The following GFRA1 variants were observed in gnomAD, a reference collection of about 807,000 sequenced individuals.
GFRA1 encodes the protein GDNF family receptor alpha-1.
Under a neutral mutation model 51.6 loss-of-function variants are expected in GFRA1, and 16 were observed. The observed-to-expected ratio is 0.31, with a 90% confidence interval of 0.21 to 0.47. GFRA1 has a LOEUF of 0.47. Among genes scored for constraint, GFRA1 ranks in the 20% least tolerant of loss-of-function variants. The probability of loss-of-function intolerance (pLI) is 1.00; values close to 1 mark genes in which losing one functional copy is unlikely to be tolerated. For missense variants in GFRA1, 530 were observed against 594.3 expected, an observed-to-expected ratio of 0.89 and a Z score of 1.13; for synonymous variants, 270 against 241.3, an observed-to-expected ratio of 1.12 and a Z score of -1.10.
Position 116,269,576 on chromosome 10 carries a change from C to T in GFRA1, c.345G>A (p.Leu115=), listed in dbSNP as rs1245009620. 1 of 1,595,978 alleles carries T rather than the reference C, an allele frequency of 6.3e-7. No individual in the cohort carries two copies. The highest frequency in any genetic ancestry group is 8.6e-7 in the Non-Finnish European group (1 of 1,163,562). ...SMYQSLQGND[L]LEDSPYEPVN... is the part of the protein sequence containing the mutation. Reference sequence around the variant, plus strand: ...CTGGTTCATATGGGGAATCCTCCAGCAGATCATTTCCTAAAAACAACAGAA... The same window carrying T: ...CTGGTTCATATGGGGAATCCTCCAGTAGATCATTTCCTAAAAACAACAGAA... The change falls in exon 4 of 11, where the codon CTG becomes CTA. Residue 115 remains leucine, a synonymous_variant. Transcript: ENST00000355422.
chr10:116,211,711 A>G (rs1294704152), intron 4 of GFRA1, 66 bp from the exon 5 acceptor site: 1 of 1,284,326 alleles, frequency 7.8e-7, no homozygotes, highest in Non-Finnish European at 1.1e-6. Flanking sequence ...AATATTAATA[A>G]TAATGTTGAA....
chr10:116,131,904 G>GAAA (rs71010066), intron 5 of GFRA1, among the ~76,000 whole-genome samples: 12 of 100,168 alleles, frequency 1.2e-4, no homozygotes, highest in African/African-American at 3.8e-4. Context: ...ATCTCAAAAG[G>GAAA]AAAAAAAAAA....
At chr10:116,212,475 G>A (rs1398290408) in intron 4 of GFRA1, among the ~76,000 whole-genome samples, 1 of 150,948 alleles carries the variant, frequency 6.6e-6, no homozygotes, top group Non-Finnish European at 1.5e-5. Flanking sequence ...AGCCGAGATC[G>A]CTCCATTGCA....
intron 5 of GFRA1, among the ~76,000 whole-genome samples, chr10:116,187,615 C>G (rs1464676088): frequency 1.3e-5 from 2 of 152,170 alleles, no homozygotes; most frequent in African/African-American, 4.8e-5. Context: ...CAAGGGTTGA[C>G]TTTTCTATGC....
intron 5 of GFRA1, among the ~76,000 whole-genome samples, chr10:116,161,199 A>C (rs901141848): frequency 6.6e-6 from 1 of 152,304 alleles, no homozygotes; most frequent in East Asian, 1.9e-4. Flanking sequence ...ACAGTCTGGG[A>C]AACAGATGCT....
intron 4 of GFRA1, among the ~76,000 whole-genome samples, chr10:116,239,742 G>A (rs1967197786): frequency 6.6e-6 from 1 of 152,096 alleles, no homozygotes; most frequent in Admixed American, 6.6e-5. Context: ...TCAACAAAAG[G>A]AGGCTGCTGA....
chr10:116,211,609 A>T, intron 5 of GFRA1, 22 bp downstream of exon 5: 1 of 1,547,648 alleles, frequency 6.5e-7, no homozygotes, highest in South Asian at 1.2e-5. Flanking sequence ...GTGAAAAAGC[A>T]GGCAGGAAAC....
intron 4 of GFRA1, among the ~76,000 whole-genome samples, chr10:116,214,043 A>G (rs1240308401): frequency 6.6e-6 from 1 of 152,160 alleles, no homozygotes; most frequent in East Asian, 1.9e-4. Flanking sequence ...CTGATCCAGT[A>G]GTGTATGGGA....
intron 5 of GFRA1, among the ~76,000 whole-genome samples, chr10:116,162,257 C>T (rs1487830255): frequency 6.6e-6 from 1 of 152,192 alleles, no homozygotes; most frequent in Non-Finnish European, 1.5e-5. Flanking sequence ...CAGTGTCAAG[C>T]TGGAGAAGAG....
intron 6 of GFRA1, among the ~76,000 whole-genome samples, chr10:116,113,032 T>A (rs945835014): frequency 6.6e-6 from 1 of 152,198 alleles, no homozygotes; most frequent in African/African-American, 2.4e-5. Flanking sequence ...ATCCTGGCAG[T>A]CTCAGGGAAC....
intron 6 of GFRA1, among the ~76,000 whole-genome samples, chr10:116,100,015 A>C (rs1197235480): frequency 6.6e-6 from 1 of 152,224 alleles, no homozygotes; most frequent in Non-Finnish European, 1.5e-5. Flanking sequence ...ACGAGGATTT[A>C]AAGTCATACA....
intron 5 of GFRA1, among the ~76,000 whole-genome samples, chr10:116,206,591 T>C (rs956589554): frequency 1.3e-5 from 2 of 151,006 alleles, no homozygotes; most frequent in Non-Finnish European, 2.9e-5. Context: ...AATGGCCATG[T>C]GAACAGGTTA....
intron 5 of GFRA1, among the ~76,000 whole-genome samples, chr10:116,149,478 G>A (rs1436438763): frequency 6.6e-6 from 1 of 152,136 alleles, no homozygotes; most frequent in African/African-American, 2.4e-5. Flanking sequence ...CTGTGTTCAC[G>A]AAAACTGCTC....
At chr10:116,121,162 A>T (rs1049807777) in intron 6 of GFRA1, among the ~76,000 whole-genome samples, 5 of 152,194 alleles carry the variant, frequency 3.3e-5, no homozygotes, top group Admixed American at 3.3e-4. Flanking sequence ...CAGGAGGGAA[A>T]GTATAAGTTT....
intron 9 of GFRA1, among the ~76,000 whole-genome samples, chr10:116,067,861 C>A (rs1250630293): frequency 6.6e-6 from 1 of 152,184 alleles, no homozygotes; most frequent in Non-Finnish European, 1.5e-5. Context: ...AAATGGCAGG[C>A]ATAACTTCAA....
intron 5 of GFRA1, among the ~76,000 whole-genome samples, chr10:116,137,864 C>T (rs1301159241): frequency 1.3e-5 from 2 of 152,114 alleles, no homozygotes; most frequent in Non-Finnish European, 2.9e-5. Flanking sequence ...TGCAATGGTA[C>T]GATCTTGGCT....
At chr10:116,126,527 A>AG (rs1957884781) in intron 5 of GFRA1, among the ~76,000 whole-genome samples, 1 of 152,230 alleles carries the variant, frequency 6.6e-6, no homozygotes. Flanking sequence ...CCTGTCCCCA[A>AG]TAGAGGAATG....
At chr10:116,220,783 T>G (rs1965868693) in intron 4 of GFRA1, among the ~76,000 whole-genome samples, 1 of 152,228 alleles carries the variant, frequency 6.6e-6, no homozygotes, top group Non-Finnish European at 1.5e-5. Flanking sequence ...ACAAATCATT[T>G]AAGCACTTTG....
intron 4 of GFRA1, among the ~76,000 whole-genome samples, chr10:116,249,434 T>C (rs1213079961): frequency 6.6e-6 from 1 of 152,184 alleles, no homozygotes; most frequent in East Asian, 1.9e-4. Context: ...GGCATGGTCC[T>C]GGTAACAGCA....
Sources: allele counts gnomAD v4.1 joint callset (sites outside exome capture counted in the v4.1 genomes callset), GRCh38; gene constraint gnomAD v4.1.1; transcripts MANE v1.5; gene names NCBI Gene and HGNC (gene_info 2026-07-23, HGNC 2026-07-21).